Variants in AFAP1 observed in about 807,000 individuals in gnomAD.
AFAP1 encodes actin filament-associated protein 1.
A neutral mutation model predicts 93.9 loss-of-function variants in AFAP1; 75 were observed. That is an observed-to-expected ratio of 0.80 (90% CI 0.66 to 0.97). The LOEUF (loss-of-function observed/expected upper bound fraction) is 0.97. Among genes scored for constraint, AFAP1 ranks in the 50% least tolerant of loss-of-function variants. AFAP1 has a pLI of 0.00. For synonymous variants in AFAP1, 517 were observed against 430.7 expected (o/e 1.20, Z -2.48); for missense variants, 1,201 against 1,050.8 (o/e 1.14, Z -1.98).
At chr4:7,894,146 T>C (rs1179636683) in intron 1 of AFAP1, among the ~76,000 whole-genome samples, 1 of 152,174 alleles carries the variant, frequency 6.6e-6, no homozygotes, top group African/African-American at 2.4e-5. Context: ...GGTTCACCCA[T>C]GTCCTCAACC....
Position 7,759,779 on chromosome 4 carries a change from C to T in AFAP1, c.*3986G>A, listed in dbSNP as rs1713525191. ...GCTGTGTTCCCAGAAGAGGCTGTTT[C>T]AAGGATGGACATCCACCTGAATGCA... On this transcript the variant is annotated 3_prime_UTR_variant, in exon 18 of 18. Transcript: ENST00000420658. 6.6e-6 allele frequency: 1 copy of T among 152,296 alleles called. No homozygotes were observed. The highest frequency in any genetic ancestry group is 2.1e-4 in the South Asian group (1 of 4,838). The allele number at this position is 152,296 out of a possible 1,614,324, so 9.4% of individuals were successfully genotyped here. A position where few individuals can be genotyped will look rare whatever the true frequency, so the allele number is the denominator to read the frequency against.
chr4:7,772,971 T>TGCTTCA lies in AFAP1; in HGVS notation c.2096_2101dup (p.Leu699_Lys700dup). ...CTTCTGCCGGCACTCCTCCTCCAGC[T>TGCTTCA]GCTTCAGCTTCTCCTCCAGGATCGC... On this transcript the variant is annotated inframe_insertion, in exon 16 of 18. Coordinates refer to ENST00000420658, the MANE Select transcript of AFAP1 (RefSeq NM_001134647.2). The TGCTTCA allele has an allele frequency of 6.2e-7, 1 of 1,612,756 alleles. No individual in the cohort carries two copies. Among genetic ancestry groups the TGCTTCA allele is most frequent in the Middle Eastern group, 1.6e-4 (1 of 6,062 alleles).
intron 1 of AFAP1, among the ~76,000 whole-genome samples, chr4:7,923,651 G>A (rs1213272251): frequency 1.3e-5 from 2 of 152,156 alleles, no homozygotes; most frequent in African/African-American, 2.4e-5. Context: ...ACTAATTTTT[G>A]TATTTTTAGT....
intron 1 of AFAP1, among the ~76,000 whole-genome samples, chr4:7,919,876 A>G (rs1469663252): frequency 1.3e-5 from 2 of 150,302 alleles, no homozygotes; most frequent in Non-Finnish European, 3.0e-5. Flanking sequence ...GCTCCCACTT[A>G]TAAGTAAGAA....
At chr4:7,767,845 A>G (rs931046616) in intron 17 of AFAP1, among the ~76,000 whole-genome samples, 3 of 152,188 alleles carry the variant, frequency 2.0e-5, no homozygotes, top group African/African-American at 7.2e-5. Context: ...TTTGGGAGGT[A>G]GGAGGATCAC....
At chr4:7,770,783 A>C (rs1158504164) in intron 16 of AFAP1, among the ~76,000 whole-genome samples, 2 of 152,176 alleles carry the variant, frequency 1.3e-5, no homozygotes, top group African/African-American at 4.8e-5. Flanking sequence ...ACAGCTCCTC[A>C]GAGCACTCCT....
At chr4:7,879,699 C>CTT (rs552211338) in intron 1 of AFAP1, among the ~76,000 whole-genome samples, 38,535 of 121,432 alleles carry the variant, frequency 0.32, 7,502 homozygotes, top group Non-Finnish European at 0.43. Context: ...TGCTTGCTTG[C>CTT]TTTTTTTTTT....
chr4:7,810,844 C>G (rs781596996), intron 8 of AFAP1, among the ~76,000 whole-genome samples: 1 of 152,136 alleles, frequency 6.6e-6, no homozygotes, highest in Non-Finnish European at 1.5e-5. Flanking sequence ...TCATCTCCCA[C>G]GATGGAGGCC....
At chr4:7,805,074 T>C (rs985939023) in intron 9 of AFAP1, among the ~76,000 whole-genome samples, 8 of 152,116 alleles carry the variant, frequency 5.3e-5, no homozygotes, top group Non-Finnish European at 8.8e-5. Context: ...CTGCATCTGA[T>C]TTCTTTTTTT....
intron 6 of AFAP1, among the ~76,000 whole-genome samples, chr4:7,831,124 G>A (rs1255237404): frequency 6.6e-6 from 1 of 152,118 alleles, no homozygotes; most frequent in Non-Finnish European, 1.5e-5. Flanking sequence ...ATCTCTAAGT[G>A]TTTCTGATCT....
At chr4:7,873,198 G>A (rs1203847777) in intron 1 of AFAP1, among the ~76,000 whole-genome samples, 21 of 125,068 alleles carry the variant, frequency 1.7e-4, no homozygotes, top group African/African-American at 4.3e-4. Context: ...AGCCAAGATT[G>A]CACCACTGCA....
At chr4:7,766,766 C>T (rs562541701) in intron 17 of AFAP1, among the ~76,000 whole-genome samples, 188 of 152,258 alleles carry the variant, frequency 1.2e-3, no homozygotes, top group African/African-American at 4.1e-3. Flanking sequence ...CCTTGGCACA[C>T]GGCCTGCCCA....
At chr4:7,806,562 C>T (rs909513888) in intron 9 of AFAP1, among the ~76,000 whole-genome samples, 2 of 152,210 alleles carry the variant, frequency 1.3e-5, no homozygotes, top group African/African-American at 2.4e-5. Flanking sequence ...GCAGCAGCTG[C>T]GGAGACTCAA....
At chr4:7,875,360 G>A (rs942161572) in intron 1 of AFAP1, among the ~76,000 whole-genome samples, 17 of 152,170 alleles carry the variant, frequency 1.1e-4, no homozygotes, top group African/African-American at 3.1e-4. Flanking sequence ...CCAGCTGGGC[G>A]ATTTTCCCTT....
At chr4:7,834,968 A>G (rs1251320358) in intron 6 of AFAP1, among the ~76,000 whole-genome samples, 2 of 142,524 alleles carry the variant, frequency 1.4e-5, no homozygotes, top group African/African-American at 5.2e-5. Flanking sequence ...CCTTAAAGTT[A>G]CCTGGGTGGC....
intron 14 of AFAP1, chr4:7,778,499 A>T: frequency 1.9e-6 from 1 of 531,110 alleles, no homozygotes; most frequent in South Asian, 2.0e-5. Flanking sequence ...ACCTGCACTC[A>T]CAACTGCCTC....
intron 16 of AFAP1, among the ~76,000 whole-genome samples, chr4:7,769,732 G>A (rs1443615366): frequency 6.6e-6 from 1 of 152,204 alleles, no homozygotes; most frequent in African/African-American, 2.4e-5. Context: ...CTGCCAAAAT[G>A]TGTTTGTTAT....
intron 11 of AFAP1, among the ~76,000 whole-genome samples, chr4:7,790,823 A>G (rs141979465): frequency 6.6e-6 from 1 of 152,202 alleles, no homozygotes; most frequent in Admixed American, 6.5e-5. Flanking sequence ...TTTCCACACA[A>G]AAGGACAGTG....
chr4:7,831,940 T>G (rs1711672978), intron 6 of AFAP1, among the ~76,000 whole-genome samples: 1 of 152,144 alleles, frequency 6.6e-6, no homozygotes, highest in Non-Finnish European at 1.5e-5. Context: ...CGGCAAACTG[T>G]CAGATGGCCC....
Sources: allele counts gnomAD v4.1 joint callset (sites outside exome capture counted in the v4.1 genomes callset), GRCh38; gene constraint gnomAD v4.1.1; transcripts MANE v1.5; gene names NCBI Gene and HGNC (gene_info 2026-07-23, HGNC 2026-07-21).